Variants in B4GALNT3 observed in about 807,000 individuals in gnomAD.
The protein encoded by B4GALNT3 is beta-1,4-N-acetyl-galactosaminyltransferase 3.
Under a neutral mutation model 120.2 loss-of-function variants are expected in B4GALNT3, and 86 were observed. The ratio of observed to expected loss-of-function variants is 0.72; its 90% confidence interval spans 0.60 to 0.86. The LOEUF is 0.86. Ranked by LOEUF, B4GALNT3 falls within the 40% of genes least tolerant of loss-of-function variation. The pLI, the probability that B4GALNT3 is intolerant of heterozygous loss-of-function variation, is 0.00. For missense variants in B4GALNT3, 1,167 were observed against 1,298.9 expected, an observed-to-expected ratio of 0.90 and a Z score of 1.56; for synonymous variants, 518 against 510.4, an observed-to-expected ratio of 1.01 and a Z score of -0.20.
At chr12:488,756 G>A (rs1388015156) in intron 1 of B4GALNT3, among the ~76,000 whole-genome samples, 2 of 152,036 alleles carry the variant, frequency 1.3e-5, no homozygotes, top group South Asian at 2.1e-4. Context: ...GGAGCCCAAG[G>A]TTGCAGTGAG....
intron 1 of B4GALNT3, among the ~76,000 whole-genome samples, chr12:513,258 G>A (rs924561471): frequency 1.3e-5 from 2 of 151,786 alleles, no homozygotes; most frequent in Non-Finnish European, 2.9e-5. Flanking sequence ...AGAATTGAGG[G>A]CAAATCTGTA....
chr12:477,762 T>C (rs1027477762), intron 1 of B4GALNT3, among the ~76,000 whole-genome samples: 1 of 152,224 alleles, frequency 6.6e-6, no homozygotes, highest in Non-Finnish European at 1.5e-5. Context: ...ATTTAAAACA[T>C]TGCTGTCTTA....
intron 6 of B4GALNT3, among the ~76,000 whole-genome samples, chr12:546,405 C>G (rs1947009091): frequency 6.6e-6 from 1 of 152,004 alleles, no homozygotes; most frequent in South Asian, 2.1e-4. Flanking sequence ...CGGGTGCTGA[C>G]TCGCGCTGCA....
At chr12:537,158 G>A (rs907663445) in intron 3 of B4GALNT3, among the ~76,000 whole-genome samples, 1 of 152,196 alleles carries the variant, frequency 6.6e-6, no homozygotes, top group Non-Finnish European at 1.5e-5. Context: ...TAGAAATGCT[G>A]TAACGAACAT....
chr12:463,701 A>G (rs1285531622), intron 1 of B4GALNT3, among the ~76,000 whole-genome samples: 1 of 152,228 alleles, frequency 6.6e-6, no homozygotes, highest in African/African-American at 2.4e-5. Context: ...GGAAATGGTG[A>G]CATTTTGGGA....
intron 1 of B4GALNT3, among the ~76,000 whole-genome samples, chr12:472,051 T>C (rs1433353223): frequency 6.6e-6 from 1 of 152,120 alleles, no homozygotes; most frequent in African/African-American, 2.4e-5. Context: ...GTTATTCGGG[T>C]GTGTGTGTCT....
chr12:552,554 A>G (rs1947097732), intron 13 of B4GALNT3, 26 bp downstream of exon 13: 3 of 1,609,988 alleles, frequency 1.9e-6, no homozygotes, highest in African/African-American at 1.3e-5. Flanking sequence ...TGAGGCTTCC[A>G]GGTCAGGCTG....
chr12:460,476 G>T lies in B4GALNT3; in HGVS notation c.100G>T (p.Val34Leu). Residue 34 changes from valine to leucine, a missense_variant, in exon 1 of 20, where the codon GTG (valine) becomes TTG (leucine). By Grantham distance (32) the Val-to-Leu change is conservative. Transcript: ENST00000266383. This position sits in a 1 kb window ranked among gnomAD's most constrained non-coding sequence, Gnocchi z 8.0. ...RLLLALAVVS[V>L]GLWTLYLELV... ...GCTGCTGGCGCTCGCCGTGGTGTCT[G>T]TGGGGCTCTGGACTCTGTATCTGGA... 1 of 1,586,992 alleles carries T rather than the reference G, an allele frequency of 6.3e-7. No homozygotes were observed. Among genetic ancestry groups the T allele is most frequent in the Non-Finnish European group, 8.6e-7 (1 of 1,168,070 alleles).
intron 1 of B4GALNT3, among the ~76,000 whole-genome samples, chr12:518,831 T>C (rs1045386428): frequency 1.3e-5 from 2 of 152,254 alleles, no homozygotes; most frequent in African/African-American, 4.8e-5. Context: ...TATTATCGTA[T>C]TTTTTATTTT....
intron 1 of B4GALNT3, among the ~76,000 whole-genome samples, chr12:512,704 G>A (rs370817839): frequency 0.13 from 7,993 of 62,408 alleles, 411 homozygotes; most frequent in Middle Eastern, 0.26. Context: ...TCCACCTTCC[G>A]CCTTCCACCT....
chr12:486,877 G>A (rs1946295582), intron 1 of B4GALNT3, among the ~76,000 whole-genome samples: 1 of 152,138 alleles, frequency 6.6e-6, no homozygotes, highest in South Asian at 2.1e-4. Context: ...TGGAAGAAGT[G>A]TTAGAGAGGC....
chr12:460,691 C>T lies in B4GALNT3; in HGVS notation c.169+146C>T. Reference sequence around the variant, plus strand: ...GGTGCCCGGCGTCGCCCCGCGCGTACTCGGGGAGAGCTGCGGGCGGGGGAA... The same window carrying T: ...GGTGCCCGGCGTCGCCCCGCGCGTATTCGGGGAGAGCTGCGGGCGGGGGAA... On this transcript the variant is annotated intron_variant, in intron 1 of 19. Transcript: ENST00000266383. This position sits in a 1 kb window ranked among gnomAD's most constrained non-coding sequence, Gnocchi z 8.0. 3.3e-6 allele frequency: 3 copies of T among 908,560 alleles called. No homozygotes were observed. The highest frequency in any genetic ancestry group is 4.4e-6 in the Non-Finnish European group (3 of 688,472). 56.3% of individuals were successfully genotyped at this position (908,560 alleles called of 1,614,324 possible). A position where few individuals can be genotyped will look rare whatever the true frequency, so the allele number is the denominator to read the frequency against.
intron 1 of B4GALNT3, among the ~76,000 whole-genome samples, chr12:489,389 G>A (rs768054124): frequency 2.6e-4 from 39 of 150,192 alleles, no homozygotes; most frequent in African/African-American, 7.6e-4. Context: ...GAAAGAGAGC[G>A]TAAGGGCAAT....
chr12:552,029 C>T (rs1308956562), intron 11 of B4GALNT3, 34 bp from the exon 12 acceptor site: 1 of 1,483,098 alleles, frequency 6.7e-7, no homozygotes, highest in African/African-American at 1.4e-5. Context: ...AGATCTCACT[C>T]TCTTACTCCT....
At chr12:478,250 T>TAAA (rs34616848) in intron 1 of B4GALNT3, among the ~76,000 whole-genome samples, 1 of 86,894 alleles carries the variant, frequency 1.2e-5, no homozygotes, top group Non-Finnish European at 2.2e-5. Flanking sequence ...ACTCTGTCTT[T>TAAA]AAAAAAAAAA....
chr12:514,783 C>T (rs918844727), intron 1 of B4GALNT3, among the ~76,000 whole-genome samples: 1 of 151,924 alleles, frequency 6.6e-6, no homozygotes, highest in African/African-American at 2.4e-5. Flanking sequence ...AATCCCAGCA[C>T]TTTGGAAGGC....
intron 1 of B4GALNT3, among the ~76,000 whole-genome samples, chr12:511,488 A>ACCTTCCC (rs1946559300): frequency 2.1e-5 from 1 of 48,506 alleles, no homozygotes; most frequent in Non-Finnish European, 3.7e-5. Context: ...ACCTTCTTCC[A>ACCTTCCC]CCTTCCACCT....
Position 551,039 on chromosome 12 carries a change from T to C in B4GALNT3, c.1107+8T>C, listed in dbSNP as rs928613028. The C allele has an allele frequency of 6.3e-7, 1 of 1,595,740 alleles. No individual in the cohort carries two copies. The highest frequency in any genetic ancestry group is 8.6e-7 in the Non-Finnish European group (1 of 1,163,452). On this transcript the variant is annotated splice_region_variant and intron_variant, in intron 11 of 19. Transcript: ENST00000266383. The stretch of plus-strand genomic sequence containing the variant: ...TACCAGGGACTCCGGTTTGTAAGTC[T>C]TGGGCCTGGGTCATGGAGAGCAGGG...
intron 14 of B4GALNT3, among the ~76,000 whole-genome samples, chr12:554,697 G>A (rs1947127839): frequency 2.1e-5 from 3 of 145,102 alleles, no homozygotes; most frequent in Non-Finnish European, 3.0e-5. Context: ...GGCTGAGGCA[G>A]GAGAATGGCG....
Sources: allele counts gnomAD v4.1 joint callset (sites outside exome capture counted in the v4.1 genomes callset), GRCh38; gene constraint gnomAD v4.1.1; non-coding constraint Gnocchi (gnomAD v3.1); transcripts MANE v1.5; gene names NCBI Gene and HGNC (gene_info 2026-07-23, HGNC 2026-07-21).